Variants in NLGN1 observed in about 807,000 individuals in gnomAD.
NLGN1 encodes neuroligin-1.
Under a neutral mutation model 65.5 loss-of-function variants are expected in NLGN1, and 12 were observed. That is an observed-to-expected ratio of 0.18 (90% CI 0.12 to 0.30). NLGN1 has a LOEUF of 0.30. NLGN1 is among the 10% of genes least tolerant of loss of function. The probability of loss-of-function intolerance (pLI) is 1.00; values close to 1 mark genes in which losing one functional copy is unlikely to be tolerated. For synonymous variants in NLGN1, 350 were observed against 359.5 expected (o/e 0.97, Z 0.30); for missense variants, 750 against 1,007.1 (o/e 0.74, Z 3.46).
chr3:174,230,858 T>C (rs1740577764), intron 4 of NLGN1, among the ~76,000 whole-genome samples: 1 of 152,246 alleles, frequency 6.6e-6, no homozygotes, highest in Non-Finnish European at 1.5e-5. Flanking sequence ...TTACATACTA[T>C]ATTGTATATT....
intron 2 of NLGN1, among the ~76,000 whole-genome samples, chr3:173,543,276 G>A (rs1317226398): frequency 1.3e-5 from 2 of 152,098 alleles, no homozygotes; most frequent in Admixed American, 6.6e-5. Flanking sequence ...TATTAGCATA[G>A]CACTTAACAG....
rs1218350915 is a variant in NLGN1 at position 174,036,578 on chromosome 3, T to G, written c.646+228746T>G. 1.6e-4 allele frequency among the ~76,000 whole-genome samples: 15 copies of G among 93,852 alleles called. No homozygotes were observed. In the South Asian group the frequency reaches 2.6e-3, roughly 16 times the overall value. 61.6% of individuals were successfully genotyped at this position (93,852 alleles called of 152,430 possible). On this transcript the variant is annotated intron_variant, in intron 4 of 6. Coordinates refer to ENST00000457714, the Ensembl canonical transcript of NLGN1. ...TCCTGGTATTTATGGAAATAGGTTT[T>G]TTGTTGTTTTTTTTTTTTTTTCAAA...
intron 2 of NLGN1, among the ~76,000 whole-genome samples, chr3:173,463,615 C>A (rs1723775705): frequency 6.6e-6 from 1 of 152,142 alleles, no homozygotes; most frequent in South Asian, 2.1e-4. Flanking sequence ...TGGCTAACTT[C>A]TTAAGGCAAG....
At chr3:173,724,482 C>T (rs934025886) in intron 3 of NLGN1, 4 of 213,850 alleles carry the variant, frequency 1.9e-5, no homozygotes, top group Non-Finnish European at 3.2e-5. Flanking sequence ...CACCATGTTA[C>T]GCAGGCTGGT....
chr3:173,906,315 T>C (rs1738376334), intron 4 of NLGN1, among the ~76,000 whole-genome samples: 2 of 152,212 alleles, frequency 1.3e-5, no homozygotes, highest in Non-Finnish European at 2.9e-5. Flanking sequence ...GCTGTATGTA[T>C]ATCTTACTCT....
At chr3:173,422,468 A>T (rs1183173232) in intron 1 of NLGN1, among the ~76,000 whole-genome samples, 1 of 152,136 alleles carries the variant, frequency 6.6e-6, no homozygotes, top group African/African-American at 2.4e-5. Context: ...CTTCGATTTG[A>T]TTTCCTTTTG....
intron 2 of NLGN1, among the ~76,000 whole-genome samples, chr3:173,518,162 C>T (rs761707652): frequency 1.1e-4 from 17 of 152,268 alleles, no homozygotes; most frequent in East Asian, 7.7e-4. Flanking sequence ...AGTGTGTTAC[C>T]AGACAAATTT....
rs144272139 is a variant in NLGN1, at chr3:174,209,910, C to T, written c.647-65405C>T. Among the ~76,000 whole-genome samples the T allele has an allele frequency of 4.7e-3, 714 of 151,990 alleles. 3 individuals are homozygous for T. Among genetic ancestry groups the T allele is most frequent in the African/African-American group, 0.016 (659 of 41,462 alleles). On this transcript the variant is annotated intron_variant, in intron 4 of 6. Coordinates refer to ENST00000457714, the Ensembl canonical transcript of NLGN1. The stretch of plus-strand genomic sequence containing the variant: ...CCTCCCAAAGTGCTGGGATTACAGG[C>T]GTGAACCACCGCGCCTGGCTGTCTA...
At chr3:173,633,115 C>G (rs929570124) in intron 3 of NLGN1, among the ~76,000 whole-genome samples, 1 of 152,020 alleles carries the variant, frequency 6.6e-6, no homozygotes, top group African/African-American at 2.4e-5. Flanking sequence ...AGTACTTTAG[C>G]TTTTACTTTG....
At chr3:173,416,538 C>T (rs1313184561) in intron 1 of NLGN1, among the ~76,000 whole-genome samples, 1 of 152,112 alleles carries the variant, frequency 6.6e-6, no homozygotes, top group African/African-American at 2.4e-5. Context: ...TAAAAGACTC[C>T]GTGTTTCAGT....
intron 4 of NLGN1, among the ~76,000 whole-genome samples, chr3:174,104,416 A>G (rs543269014): frequency 6.6e-6 from 1 of 152,272 alleles, no homozygotes; most frequent in East Asian, 1.9e-4. Flanking sequence ...AAAAATATTT[A>G]TTAAATGTTT....
At chr3:173,894,007 C>T (rs1032459584) in intron 4 of NLGN1, among the ~76,000 whole-genome samples, 1 of 152,156 alleles carries the variant, frequency 6.6e-6, no homozygotes, top group Non-Finnish European at 1.5e-5. Context: ...CCAACTTTCA[C>T]ACTTTCCCTT....
Position 173,959,411 on chromosome 3 carries a change from C to T in NLGN1, c.646+151579C>T, listed in dbSNP as rs1712988908. ...ACAAGAGAAAAGGAGTCTATGTCTC[C>T]CATGCCTGGAGTCACCATAGGAATC... is the stretch of plus-strand genomic sequence containing the variant. On this transcript the variant is annotated intron_variant, in intron 4 of 6. Transcript: ENST00000457714. Among the ~76,000 whole-genome samples, 4 of 152,174 alleles carry T rather than the reference C, an allele frequency of 2.6e-5. No homozygotes were observed. In the South Asian group the frequency reaches 8.3e-4, roughly 32 times the overall value.
intron 2 of NLGN1, among the ~76,000 whole-genome samples, chr3:173,562,718 G>T (rs997496109): frequency 6.6e-6 from 1 of 152,070 alleles, no homozygotes; most frequent in Non-Finnish European, 1.5e-5. Flanking sequence ...CGACATTTAA[G>T]ATACAACATT....
chr3:174,010,053 C>T (rs768396812), intron 4 of NLGN1, among the ~76,000 whole-genome samples: 11 of 152,138 alleles, frequency 7.2e-5, no homozygotes, highest in Non-Finnish European at 1.2e-4. Flanking sequence ...TGGAAGTCAA[C>T]ACAGAGCTAC....
intron 1 of NLGN1, among the ~76,000 whole-genome samples, chr3:173,403,334 CAG>C (rs1434079950): frequency 1.3e-5 from 2 of 152,064 alleles, no homozygotes; most frequent in Non-Finnish European, 2.9e-5. Context: ...ATAGTTAAAT[CAG>C]AGGATGTCCA....
chr3:174,294,277 CCTTTA>C, the NLGN1 span, among the ~76,000 whole-genome samples: 1 of 151,468 alleles, frequency 6.6e-6, no homozygotes, highest in African/African-American at 2.4e-5. Context: ...TAGATGTATT[CCTTTA>C]CTTTGTATAT....
chr3:173,738,121 A>T (rs1046816839), intron 3 of NLGN1, among the ~76,000 whole-genome samples: 27 of 151,986 alleles, frequency 1.8e-4, no homozygotes, highest in Admixed American at 1.5e-3. Context: ...ATTGAATTGT[A>T]AGAAAACTTT....
chr3:173,881,152 G>T (rs1395115274), intron 4 of NLGN1, among the ~76,000 whole-genome samples: 2 of 142,214 alleles, frequency 1.4e-5, no homozygotes, highest in Non-Finnish European at 1.5e-5. Context: ...AGGCTGGAGT[G>T]CAGTGGTGCG....
Sources: allele counts gnomAD v4.1 joint callset (sites outside exome capture counted in the v4.1 genomes callset), GRCh38; gene constraint gnomAD v4.1.1; transcripts MANE v1.5; gene names NCBI Gene and HGNC (gene_info 2026-07-23, HGNC 2026-07-21).